The following USP45 variants were observed in gnomAD, a reference collection of about 807,000 sequenced individuals.
The protein encoded by USP45 is ubiquitin specific peptidase 45.
Under a neutral mutation model 95.8 loss-of-function variants are expected in USP45, and 89 were observed. The ratio of observed to expected loss-of-function variants is 0.93; its 90% confidence interval spans 0.78 to 1.11. The LOEUF is 1.11. Among genes scored for constraint, USP45 ranks in the 50% least tolerant of loss-of-function variants. The pLI, the probability that USP45 is intolerant of heterozygous loss-of-function variation, is 0.00. For missense variants in USP45, 898 were observed against 942.5 expected (o/e 0.95, Z 0.62); for synonymous variants, 281 against 316.2 (o/e 0.89, Z 1.18).
intron 7 of USP45, among the ~76,000 whole-genome samples, chr6:99,487,828 T>C (rs1334439714): frequency 1.3e-5 from 2 of 152,020 alleles, no homozygotes; most frequent in Admixed American, 6.6e-5. Context: ...ATGCTCACTA[T>C]TAAAATTTCA....
rs1163306614 is a variant in USP45, at chr6:99,446,237, C to T, written c.1535G>A (p.Ser512Asn). Residue 512 changes from serine to asparagine, a missense_variant, in exon 14 of 18, where the codon AGT (serine) becomes AAT (asparagine). Transcript: ENST00000500704. ...DADSEPSESE[S>N]ASKQTGLFRS... ...GAACAGCCCAGTCTGCTTTGAAGCA[C>T]TTTCAGATTCTGAAGGCTCACTGTC... 1 of 1,614,134 alleles carries T rather than the reference C, an allele frequency of 6.2e-7. No homozygotes were observed. Among genetic ancestry groups the T allele is most frequent in the South Asian group, 1.1e-5 (1 of 91,084 alleles).
At chr6:99,466,986 T>G (rs561656440) in intron 10 of USP45, among the ~76,000 whole-genome samples, 1 of 152,202 alleles carries the variant, frequency 6.6e-6, no homozygotes, top group East Asian at 1.9e-4. Context: ...AATAATGAAC[T>G]ATTCTTAAGA....
At chr6:99,470,724 A>G (rs1789190765) in intron 9 of USP45, among the ~76,000 whole-genome samples, 2 of 152,222 alleles carry the variant, frequency 1.3e-5, no homozygotes, top group Non-Finnish European at 2.9e-5. Flanking sequence ...ACACCTTGAA[A>G]AAAGAATTTA....
intron 13 of USP45, among the ~76,000 whole-genome samples, chr6:99,452,990 A>G (rs1784223792): frequency 6.6e-6 from 1 of 152,148 alleles, no homozygotes; most frequent in African/African-American, 2.4e-5. Context: ...GAACACTTGG[A>G]CACAGGAAGG....
chr6:99,441,533 C>CA (rs368801961), intron 15 of USP45, among the ~76,000 whole-genome samples: 9,186 of 138,830 alleles, frequency 0.066, 339 homozygotes, highest in Middle Eastern at 0.13. Context: ...ACTCCATCTC[C>CA]AAAAAAAAAA....
In USP45 at chr6:99,488,677, T is replaced by C; in HGVS notation, c.618+4A>G. ...ATATTACAAAGCTTTCTGATGACTC[T>C]TACCTGCATGACTGCATTAAAAAAG... On this transcript the variant is annotated splice_donor_region_variant and intron_variant, in intron 6 of 17. Transcript: ENST00000500704. The C allele has an allele frequency of 1.3e-6, 2 of 1,598,330 alleles. No individual in the cohort carries two copies. Among genetic ancestry groups the C allele is most frequent in the Non-Finnish European group, 1.7e-6 (2 of 1,174,450 alleles).
At chr6:99,485,938 C>A (rs954516690) in intron 7 of USP45, among the ~76,000 whole-genome samples, 8 of 152,112 alleles carry the variant, frequency 5.3e-5, no homozygotes, top group African/African-American at 1.9e-4. Flanking sequence ...AACATCCATT[C>A]CGATAAAACT....
chr6:99,451,019 C>T (rs1583031794), intron 13 of USP45, among the ~76,000 whole-genome samples: 2 of 152,062 alleles, frequency 1.3e-5, no homozygotes, highest in African/African-American at 2.4e-5. Context: ...AAATTAGGTA[C>T]TGATGGGACA....
Position 99,446,174 on chromosome 6 carries a change from G to A in USP45, c.1598C>T (p.Pro533Leu). 6.2e-7 allele frequency: 1 copy of A among 1,614,080 alleles called. No individual in the cohort carries two copies. Among genetic ancestry groups the A allele is most frequent in the Non-Finnish European group, 8.5e-7 (1 of 1,180,026 alleles). Residue 533 changes from proline to leucine, a missense_variant, in exon 14 of 18, where the codon CCC becomes CTC. Transcript: ENST00000500704. ...SSGSGVQPDG[P>L]LYPLSAGKLL... The stretch of plus-strand genomic sequence containing the variant: ...TTTACCTGCTGACAGAGGGTAAAGG[G>A]GTCCATCTGGCTGCACACCGGATCC...
chr6:99,461,025 G>C (rs1348617525), intron 13 of USP45: 16 of 985,160 alleles, frequency 1.6e-5, no homozygotes, highest in Non-Finnish European at 1.7e-5. Context: ...GCTAACAGGT[G>C]GTGGGAACCA....
intron 4 of USP45, 30 bp downstream of exon 4, chr6:99,507,397 TG>T: frequency 7.1e-7 from 1 of 1,408,496 alleles, no homozygotes; most frequent in Non-Finnish European, 9.8e-7. Context: ...CTGTGGTTAG[TG>T]GACACAAGAA....
In USP45 at chr6:99,488,661, A is replaced by G. The variant is rs1166759520; in HGVS notation, c.618+20T>C. On this transcript the variant is annotated intron_variant, in intron 6 of 17. Coordinates refer to ENST00000500704, the MANE Select transcript of USP45 (RefSeq NM_001346022.3). Reference sequence around the variant, plus strand: ...TAAGAGAATCTTTTACATATTACAAAGCTTTCTGATGACTCTTACCTGCAT... The same window carrying G: ...TAAGAGAATCTTTTACATATTACAAGGCTTTCTGATGACTCTTACCTGCAT... 6.3e-7 allele frequency: 1 copy of G among 1,588,344 alleles called. No homozygotes were observed. Among genetic ancestry groups the G allele is most frequent in the Non-Finnish European group, 8.5e-7 (1 of 1,171,854 alleles).
chr6:99,458,113 T>C (rs571263286), intron 13 of USP45, among the ~76,000 whole-genome samples: 1 of 152,266 alleles, frequency 6.6e-6, no homozygotes, highest in Admixed American at 6.5e-5. Context: ...CTCCACCTCC[T>C]GGTTTCCAGA....
At chr6:99,485,348 A>G (rs1463885343) in intron 7 of USP45, among the ~76,000 whole-genome samples, 1 of 152,112 alleles carries the variant, frequency 6.6e-6, no homozygotes, top group Non-Finnish European at 1.5e-5. Context: ...CCATCTCAAA[A>G]AATAAATAAA....
rs747733171 is a variant in USP45, at chr6:99,445,792, A to G, written c.1975+5T>C. 3 of 1,541,166 alleles carry G rather than the reference A, an allele frequency of 1.9e-6. No homozygotes were observed. Among genetic ancestry groups the G allele is most frequent in the Non-Finnish European group, 2.6e-6 (3 of 1,150,536 alleles). On this transcript the variant is annotated splice_donor_5th_base_variant and intron_variant, in intron 14 of 17. Coordinates refer to ENST00000500704, the MANE Select transcript of USP45 (RefSeq NM_001346022.3). The stretch of plus-strand genomic sequence containing the variant: ...CAATAATTATGTAATTAAAAAAATA[A>G]TTACCTGCAAAACTGGTTTCTTCTT...
chr6:99,468,696 A>G lies in USP45; in HGVS notation c.934-78T>C. On this transcript the variant is annotated intron_variant, in intron 9 of 17. Coordinates refer to ENST00000500704, the MANE Select transcript of USP45 (RefSeq NM_001346022.3). ...ATCCTCCTAATAAAAGTACTTTCAA[A>G]CAGCAAGGTACACTGTGGATTTCAG... 3.3e-6 allele frequency: 3 copies of G among 901,428 alleles called. No individual in the cohort carries two copies. The South Asian group carries it at 5.0e-5, about 15-fold the overall frequency. 55.8% of individuals were successfully genotyped at this position (901,428 alleles called of 1,614,324 possible).
At chr6:99,451,086 T>G (rs1366586965) in intron 13 of USP45, among the ~76,000 whole-genome samples, 2 of 152,196 alleles carry the variant, frequency 1.3e-5, no homozygotes, top group Non-Finnish European at 2.9e-5. Flanking sequence ...TCATACTGAA[T>G]GGGCAAAAAC....
At chr6:99,453,296 A>T (rs1215047633) in intron 13 of USP45, among the ~76,000 whole-genome samples, 2 of 152,198 alleles carry the variant, frequency 1.3e-5, no homozygotes, top group Admixed American at 6.5e-5. Flanking sequence ...CTTAGAACTG[A>T]TAAACAAATT....
chr6:99,500,194 G>A (rs947242479), intron 5 of USP45, among the ~76,000 whole-genome samples: 1 of 151,338 alleles, frequency 6.6e-6, no homozygotes, highest in African/African-American at 2.4e-5. Flanking sequence ...GTGTGATCTC[G>A]GCTTACTGCA....
Sources: gnomAD v4.1 joint callset for allele counts (sites outside exome capture counted in the v4.1 genomes callset) on GRCh38, gnomAD v4.1.1 for gene constraint, MANE v1.5 for transcripts, NCBI Gene and HGNC (gene_info 2026-07-23, HGNC 2026-07-21) for gene names.